Variants in GPALPP1 observed in about 807,000 individuals in gnomAD.
GPALPP1 encodes GPALPP motifs-containing protein 1.
GPALPP1 carries 30 observed loss-of-function variants against 38.9 expected under a neutral mutation model. The observed-to-expected ratio is 0.77, with a 90% CI of 0.58 to 1.05. The LOEUF (loss-of-function observed/expected upper bound fraction) is 1.05. Among genes scored for constraint, GPALPP1 ranks in the 50% least tolerant of loss-of-function variants. GPALPP1 has a pLI of 0.00. For synonymous variants in GPALPP1, 120 were observed against 139.2 expected, an observed-to-expected ratio of 0.86 and a Z score of 0.97; for missense variants, 384 against 408.8, an observed-to-expected ratio of 0.94 and a Z score of 0.52.
At chr13:44,993,749 C>T (rs1271247479) in intron 1 of GPALPP1, among the ~76,000 whole-genome samples, 5 of 150,548 alleles carry the variant, frequency 3.3e-5, no homozygotes, top group Non-Finnish European at 7.4e-5. Context: ...TTTTACATTC[C>T]CACTAGCACT....
intron 4 of GPALPP1, among the ~76,000 whole-genome samples, chr13:45,009,977 A>G (rs1006140517): frequency 6.6e-6 from 1 of 152,108 alleles, no homozygotes; most frequent in African/African-American, 2.4e-5. Flanking sequence ...TCTCAACACA[A>G]CAGCTGAAGG....
intron 1 of GPALPP1, among the ~76,000 whole-genome samples, chr13:44,992,539 C>T (rs1031079846): frequency 2.0e-5 from 3 of 151,798 alleles, no homozygotes; most frequent in Admixed American, 2.0e-4. Flanking sequence ...CTATCTTTGC[C>T]CACCCCAAGG....
intron 7 of GPALPP1, among the ~76,000 whole-genome samples, chr13:45,023,855 C>CTGT (rs1175678280): frequency 1.3e-5 from 2 of 152,102 alleles, no homozygotes; most frequent in Admixed American, 6.5e-5. Context: ...ACATATAATG[C>CTGT]TACATATATG....
At chr13:44,999,824 T>G (rs181600317) in intron 1 of GPALPP1, among the ~76,000 whole-genome samples, 4 of 152,302 alleles carry the variant, frequency 2.6e-5, no homozygotes, top group Middle Eastern at 3.4e-3. Flanking sequence ...ATGATCCGCC[T>G]GCCTTGTCCT....
intron 6 of GPALPP1, among the ~76,000 whole-genome samples, 159 bp from the exon 7 acceptor site, chr13:45,020,171 A>G (rs916082412): frequency 6.6e-6 from 1 of 152,160 alleles, no homozygotes; most frequent in African/African-American, 2.4e-5. Context: ...GTGAGTCACT[A>G]TGCCCGGCAA....
downstream of GPALPP1, chr13:45,032,049 G>C (rs1260670793): frequency 1.3e-5 from 2 of 152,112 alleles, no homozygotes; most frequent in African/African-American, 4.8e-5. Flanking sequence ...TTTTTGTCCA[G>C]CTCTCTAAAT....
chr13:45,034,032 A>T (rs1177867579), downstream of GPALPP1: 1 of 152,260 alleles, frequency 6.6e-6, no homozygotes, highest in Non-Finnish European at 1.5e-5. Context: ...AAAGCTAAGC[A>T]TTGAATGATA....
chr13:45,021,375 A>G (rs1265387351), intron 7 of GPALPP1, among the ~76,000 whole-genome samples: 2 of 152,252 alleles, frequency 1.3e-5, no homozygotes, highest in Non-Finnish European at 2.9e-5. Context: ...CACTTGAAGT[A>G]TTTATGAAAA....
At chr13:44,993,492 C>A (rs1239317431) in intron 1 of GPALPP1, among the ~76,000 whole-genome samples, 1 of 152,010 alleles carries the variant, frequency 6.6e-6, no homozygotes, top group Non-Finnish European at 1.5e-5. Flanking sequence ...CAAAAATTAG[C>A]CAGGCGTGGT....
downstream of GPALPP1, chr13:45,033,170 A>T (rs1876285704): frequency 6.6e-6 from 1 of 152,172 alleles, no homozygotes; most frequent in Non-Finnish European, 1.5e-5. Flanking sequence ...TTGAGGGTAG[A>T]TAATGTTAAT....
At chr13:45,021,637 A>C (rs1875436184) in intron 7 of GPALPP1, among the ~76,000 whole-genome samples, 1 of 151,824 alleles carries the variant, frequency 6.6e-6, no homozygotes, top group South Asian at 2.1e-4. Flanking sequence ...CTCAAAAAAA[A>C]CATAAAAAAA....
downstream of GPALPP1, chr13:45,031,061 C>T (rs906558758): frequency 3.3e-5 from 5 of 152,172 alleles, no homozygotes; most frequent in Admixed American, 2.0e-4. Context: ...GAGGCTGAAG[C>T]AGGATAATTG....
chr13:45,025,737 A>C (rs1227721473), intron 7 of GPALPP1, among the ~76,000 whole-genome samples: 1 of 151,830 alleles, frequency 6.6e-6, no homozygotes, highest in Admixed American at 6.6e-5. Flanking sequence ...TTGGAACTTA[A>C]GTTTTATTTC....
chr13:44,995,169 A>AACACACAC (rs371911111), intron 1 of GPALPP1, among the ~76,000 whole-genome samples: 3,071 of 128,484 alleles, frequency 0.024, 84 homozygotes, highest in East Asian at 0.1. Flanking sequence ...CCTATCTTTA[A>AACACACAC]ACACACACAC....
At chr13:44,992,298 C>T (rs1454340055) in intron 1 of GPALPP1, among the ~76,000 whole-genome samples, 2 of 151,982 alleles carry the variant, frequency 1.3e-5, no homozygotes, top group African/African-American at 2.4e-5. Flanking sequence ...TGTGTTCAGT[C>T]TTTTGCTTAT....
At chr13:44,994,167 A>G (rs1233681846) in intron 1 of GPALPP1, among the ~76,000 whole-genome samples, 1 of 136,744 alleles carries the variant, frequency 7.3e-6, no homozygotes, top group Non-Finnish European at 1.5e-5. Flanking sequence ...GTAGTAAGCT[A>G]TGATCATGCC....
intron 1 of GPALPP1, among the ~76,000 whole-genome samples, chr13:45,000,491 A>G (rs1028493780): frequency 6.6e-6 from 1 of 152,242 alleles, no homozygotes; most frequent in African/African-American, 2.4e-5. Context: ...AACAGCACAT[A>G]TTTAGACCAT....
intron 1 of GPALPP1, among the ~76,000 whole-genome samples, chr13:44,996,838 A>C (rs1175997401): frequency 1.4e-5 from 2 of 145,928 alleles, no homozygotes; most frequent in Non-Finnish European, 1.5e-5. Context: ...GATAAAATAC[A>C]CATAACATGA....
At chr13:44,999,607 G>A (rs1873523979) in intron 1 of GPALPP1, among the ~76,000 whole-genome samples, 1 of 152,140 alleles carries the variant, frequency 6.6e-6, no homozygotes, top group African/African-American at 2.4e-5. Context: ...TTGAGACAGA[G>A]TCTCACTCTG....
Sources: allele counts gnomAD v4.1 joint callset (sites outside exome capture counted in the v4.1 genomes callset), GRCh38; gene constraint gnomAD v4.1.1; transcripts MANE v1.5; gene names NCBI Gene and HGNC (gene_info 2026-07-23, HGNC 2026-07-21).